ZNF536: variants seen among roughly 807,000 people sequenced by gnomAD.
ZNF536 encodes zinc finger protein 536.
Under a neutral mutation model 84.5 loss-of-function variants are expected in ZNF536, and 13 were observed. The ratio of observed to expected loss-of-function variants is 0.15; its 90% confidence interval spans 0.10 to 0.24. The LOEUF (loss-of-function observed/expected upper bound fraction) is 0.24, where lower values mean the gene tolerates loss of function less well. Among genes scored for constraint, ZNF536 ranks in the 10% least tolerant of loss-of-function variants. The probability of loss-of-function intolerance (pLI) is 1.00; values close to 1 mark genes in which losing one functional copy is unlikely to be tolerated. For synonymous variants in ZNF536, 811 were observed against 742.5 expected (o/e 1.09, Z -1.50); for missense variants, 1,536 against 1,747.5 (o/e 0.88, Z 2.16).
chr19:30,291,189 T>A (rs992413702), intron 2 of ZNF536, among the ~76,000 whole-genome samples: 2 of 152,222 alleles, frequency 1.3e-5, no homozygotes, highest in African/African-American at 4.8e-5. Context: ...TTATAATCCT[T>A]TGGGTATATA....
chr19:30,303,534 G>T (rs1332037077), intron 2 of ZNF536, among the ~76,000 whole-genome samples: 6 of 150,218 alleles, frequency 4.0e-5, no homozygotes, highest in Non-Finnish European at 8.9e-5. Flanking sequence ...ATGGAGTCTT[G>T]CTCTGTTGCC....
chr19:30,658,696 G>A (rs573850247), intron 1 of ZNF536, among the ~76,000 whole-genome samples: 10 of 152,058 alleles, frequency 6.6e-5, no homozygotes, highest in Non-Finnish European at 1.3e-4. Context: ...TAAAAATTAT[G>A]TGTGTTTGAC....
chr19:30,496,702 C>T (rs543511332), intron 2 of ZNF536, among the ~76,000 whole-genome samples: 3 of 152,140 alleles, frequency 2.0e-5, no homozygotes, highest in Admixed American at 6.5e-5. Flanking sequence ...TTGGGCAGCA[C>T]CTGGGCCTTC....
intron 4 of ZNF536, chr19:30,554,997 A>C (rs1411866632): frequency 6.6e-6 from 1 of 152,258 alleles, no homozygotes; most frequent in Non-Finnish European, 1.5e-5. Context: ...TTACAGTGGT[A>C]GAGGACTTGT....
At chr19:30,649,348 G>C (rs2147431455) in intron 1 of ZNF536, among the ~76,000 whole-genome samples, 1 of 152,308 alleles carries the variant, frequency 6.6e-6, no homozygotes, top group East Asian at 1.9e-4. Flanking sequence ...TAATCATATG[G>C]CTCTTAACAG....
chr19:30,244,131 A>G (rs1245247314), intron 1 of ZNF536, among the ~76,000 whole-genome samples: 1 of 152,224 alleles, frequency 6.6e-6, no homozygotes, highest in Non-Finnish European at 1.5e-5. Context: ...TCAGTTGATT[A>G]AGGTCAATGC....
At chr19:30,506,023 A>C (rs769857785) in intron 2 of ZNF536, among the ~76,000 whole-genome samples, 23 of 151,148 alleles carry the variant, frequency 1.5e-4, no homozygotes, top group Non-Finnish European at 3.1e-4. Context: ...ATTTTCTTTA[A>C]TTTTGTTACT....
intron 1 of ZNF536, among the ~76,000 whole-genome samples, chr19:30,428,864 T>C (rs1016508911): frequency 6.6e-6 from 1 of 152,164 alleles, no homozygotes; most frequent in Non-Finnish European, 1.5e-5. Flanking sequence ...CAACTGCAGA[T>C]GGGTGATGGT....
intron 1 of ZNF536, among the ~76,000 whole-genome samples, chr19:30,384,013 A>G (rs1393254970): frequency 9.8e-6 from 1 of 101,894 alleles, no homozygotes; most frequent in Non-Finnish European, 2.0e-5. Flanking sequence ...CCTAAACCAC[A>G]TACACCACCT....
intron 1 of ZNF536, among the ~76,000 whole-genome samples, chr19:30,424,210 G>A (rs2051112330): frequency 6.6e-6 from 1 of 152,134 alleles, no homozygotes; most frequent in Non-Finnish European, 1.5e-5. Context: ...TACACTTCCT[G>A]CACTTTCCAA....
At chr19:30,527,602 G>A (rs1006563880) in intron 2 of ZNF536, among the ~76,000 whole-genome samples, 4 of 151,632 alleles carry the variant, frequency 2.6e-5, no homozygotes, top group African/African-American at 9.7e-5. Context: ...TGCAACCACA[G>A]AGACACCAAG....
intron 2 of ZNF536, among the ~76,000 whole-genome samples, chr19:30,326,155 G>C (rs902001070): frequency 8.1e-4 from 124 of 152,354 alleles, no homozygotes; most frequent in African/African-American, 2.9e-3. Flanking sequence ...CTCCAGGCAA[G>C]CAGGCAGAAC....
At chr19:30,543,847 C>T (rs970958444) in intron 3 of ZNF536, among the ~76,000 whole-genome samples, 33 of 152,022 alleles carry the variant, frequency 2.2e-4, no homozygotes, top group African/African-American at 7.5e-4. Flanking sequence ...GGGATGTTTC[C>T]AGTGGAGCAC....
chr19:30,449,637 T>G (rs2052507317), intron 2 of ZNF536, among the ~76,000 whole-genome samples: 1 of 152,218 alleles, frequency 6.6e-6, no homozygotes, highest in South Asian at 2.1e-4. Context: ...GCATTGACCC[T>G]CTGTTCATTA....
chr19:30,336,663 G>A (rs2047393699), intron 2 of ZNF536, among the ~76,000 whole-genome samples: 2 of 152,116 alleles, frequency 1.3e-5, no homozygotes, highest in South Asian at 4.2e-4. Flanking sequence ...GAGAGGGAAG[G>A]TGTGTCTGGG....
chr19:30,236,463 T>C (rs2023515102), intron 1 of ZNF536, among the ~76,000 whole-genome samples: 1 of 151,976 alleles, frequency 6.6e-6, no homozygotes, highest in African/African-American at 2.4e-5. Context: ...TCTTTTTGGC[T>C]TTTTCACCCT....
At chr19:30,549,544 C>A (rs2146261468) in intron 4 of ZNF536, 30 bp downstream of exon 4, 1 of 1,492,708 alleles carries the variant, frequency 6.7e-7, no homozygotes, top group Admixed American at 2.4e-5. Flanking sequence ...TCCTATAGTT[C>A]ATTTCCCAAA....
chr19:30,612,600 G>T (rs2048140880), intron 1 of ZNF536, among the ~76,000 whole-genome samples: 1 of 152,012 alleles, frequency 6.6e-6, no homozygotes, highest in African/African-American at 2.4e-5. Context: ...TAACTACCTT[G>T]TATCTTTTAT....
At chr19:30,295,971 C>T (rs1194127861) in intron 2 of ZNF536, among the ~76,000 whole-genome samples, 2 of 152,196 alleles carry the variant, frequency 1.3e-5, no homozygotes, top group Admixed American at 1.3e-4. Context: ...TGTCCAGAGG[C>T]CTCCATGGGG....
Sources: allele counts gnomAD v4.1 joint callset (sites outside exome capture counted in the v4.1 genomes callset), GRCh38; gene constraint gnomAD v4.1.1; transcripts MANE v1.5; gene names NCBI Gene and HGNC (gene_info 2026-07-23, HGNC 2026-07-21).